The following SHC2 variants were observed in gnomAD, a reference collection of about 807,000 sequenced individuals.
The protein encoded by SHC2 is SHC-transforming protein 2.
Under a neutral mutation model 60.6 loss-of-function variants are expected in SHC2, and 62 were observed. That is an observed-to-expected ratio of 1.02 (90% confidence interval 0.83 to 1.26). The LOEUF (loss-of-function observed/expected upper bound fraction) is 1.26, where lower values mean the gene tolerates loss of function less well. SHC2 is among the 50% of genes most tolerant of loss of function. SHC2 has a pLI of 0.00. For synonymous variants in SHC2, 375 were observed against 372.4 expected, an observed-to-expected ratio of 1.01 and a Z score of -0.08; for missense variants, 873 against 822.2, an observed-to-expected ratio of 1.06 and a Z score of -0.76.
intron 1 of SHC2, among the ~76,000 whole-genome samples, chr19:454,194 A>G (rs1317451094): frequency 6.6e-6 from 1 of 152,200 alleles, no homozygotes; most frequent in African/African-American, 2.4e-5. Flanking sequence ...AGCACAGGCC[A>G]CACCTCGAGG....
rs1975533268 is a variant in SHC2 at position 460,820 on chromosome 19, GC to G, written c.176del (p.Gly59AlafsTer120). On this transcript the variant is annotated frameshift_variant, in exon 1 of 13. Coordinates refer to ENST00000264554, the MANE Select transcript of SHC2 (RefSeq NM_012435.3). LOFTEE classifies it high-confidence loss of function. ...AAARAAGASG[G>X]ADPQPEPAGP... is the part of the protein sequence containing the mutation. ...CCGCCGGCTCGGGTTGGGGGTCCGC[GC>G]CCCCCGAGGCCCCAGCCGCCCGCGC... is the stretch of plus-strand genomic sequence containing the variant. 2.0e-6 allele frequency: 2 copies of G among 980,158 alleles called. No homozygotes were observed. Among genetic ancestry groups the G allele is most frequent in the African/African-American group, 1.8e-5 (1 of 56,218 alleles). 60.7% of individuals were successfully genotyped at this position (980,158 alleles called of 1,614,324 possible). A position where few individuals can be genotyped will look rare whatever the true frequency, so the allele number is the denominator to read the frequency against.
intron 11 of SHC2, among the ~76,000 whole-genome samples, chr19:420,192 T>A (rs142385475): frequency 2.2e-3 from 335 of 152,282 alleles, no homozygotes; most frequent in Middle Eastern, 0.01. Context: ...CACACCAGGC[T>A]AGAGGCTAGG....
In SHC2 at chr19:424,629, G is replaced by A. The variant is rs1229738908; in HGVS notation, c.1309+468C>T. Among the ~76,000 whole-genome samples, 1 of 152,152 alleles carries A rather than the reference G, an allele frequency of 6.6e-6. No individual in the cohort carries two copies. Among genetic ancestry groups the A allele is most frequent in the Admixed American group, 6.5e-5 (1 of 15,276 alleles). ...CGGGGCCGCAGCCTCCCACCACACTGACCATTCTTTCAAGGAATGACGAAC... is the reference window on the plus strand; with the variant it reads ...CGGGGCCGCAGCCTCCCACCACACTAACCATTCTTTCAAGGAATGACGAAC... On this transcript the variant is annotated intron_variant, in intron 10 of 12. Transcript: ENST00000264554. The surrounding 1 kb of genome is among the most constrained non-coding windows in gnomAD (Gnocchi z 4.5).
Position 436,366 on chromosome 19 carries a change from C to G in SHC2, c.826+14G>C, listed in dbSNP as rs1974719463. 1.3e-6 allele frequency: 2 copies of G among 1,595,974 alleles called. No homozygotes were observed. The highest frequency in any genetic ancestry group is 1.7e-6 in the Non-Finnish European group (2 of 1,167,870). On this transcript the variant is annotated intron_variant, in intron 6 of 12. Transcript: ENST00000264554. ...CAGCCACAGGACCCCCACCGGCCTCCCCGGGGGCCTCACCTCTCTGGTTGA... is the reference window on the plus strand; with the variant it reads ...CAGCCACAGGACCCCCACCGGCCTCGCCGGGGGCCTCACCTCTCTGGTTGA...
Position 424,558 on chromosome 19 carries a change from T to TG in SHC2, c.1309+538dup, listed in dbSNP as rs1339407828. ...TCCCCTCTCAGACTAAGGAGTCCCA[T>TG]GGGGCGAGGGTCTGGCTTCCCCTGT... On this transcript the variant is annotated intron_variant, in intron 10 of 12. Coordinates refer to ENST00000264554, the MANE Select transcript of SHC2 (RefSeq NM_012435.3). The surrounding 1 kb of genome is among the most constrained non-coding windows in gnomAD (Gnocchi z 4.5). Among the ~76,000 whole-genome samples the TG allele has an allele frequency of 6.6e-6, 1 of 151,936 alleles. No homozygotes were observed. Among genetic ancestry groups the TG allele is most frequent in the East Asian group, 1.9e-4 (1 of 5,174 alleles).
chr19:457,259 A>T (rs1975368546), intron 1 of SHC2, among the ~76,000 whole-genome samples: 6 of 131,204 alleles, frequency 4.6e-5, no homozygotes, highest in Non-Finnish European at 7.8e-5. Flanking sequence ...CCCGACTAGA[A>T]CTCTGTCTGC....
intron 9 of SHC2, 36 bp downstream of exon 9, chr19:430,648 C>T: frequency 2.5e-6 from 4 of 1,593,846 alleles, no homozygotes; most frequent in South Asian, 1.1e-5. Context: ...CCCCAGAATC[C>T]TCGTGGGTAC....
At chr19:435,969 G>A (rs753432114) in intron 7 of SHC2, 196 bp downstream of exon 7, 3 of 583,604 alleles carry the variant, frequency 5.1e-6, no homozygotes, top group Non-Finnish European at 9.0e-6. Context: ...ATCCTGGGGG[G>A]CAGGCGGGGA....
rs1480178219 is a variant in SHC2 at position 418,722 on chromosome 19, GGT to G, written c.*5+199_*5+200del. 2.1e-5 allele frequency among the ~76,000 whole-genome samples: 3 copies of G among 140,048 alleles called. No homozygotes were observed. In the East Asian group the frequency reaches 5.8e-4, roughly 27 times the overall value. 91.9% of individuals were successfully genotyped at this position (140,048 alleles called of 152,430 possible). A position where few individuals can be genotyped will look rare whatever the true frequency, so the allele number is the denominator to read the frequency against. On this transcript the variant is annotated intron_variant, in intron 12 of 12. Transcript: ENST00000264554. ...GGGGAGGGGACAGGGAGTGACGGCT[GGT>G]GGGGACAGGGCTTCTTTCGGGGCTG... is the stretch of plus-strand genomic sequence containing the variant.
intron 1 of SHC2, among the ~76,000 whole-genome samples, chr19:452,252 G>A (rs187495630): frequency 3.5e-3 from 415 of 118,518 alleles, no homozygotes; most frequent in African/African-American, 0.015. Context: ...GAGTTCCTGC[G>A]TAGGTGTGCG....
chr19:417,868 G>C (rs931366796), intron 12 of SHC2, among the ~76,000 whole-genome samples: 2 of 152,152 alleles, frequency 1.3e-5, no homozygotes, highest in African/African-American at 2.4e-5. Context: ...CCGCCCAGGA[G>C]AGAGGAGGCT....
rs757364077 is a variant in SHC2, at chr19:445,865, C to T, written c.469-4933G>A. 1.3e-5 allele frequency among the ~76,000 whole-genome samples: 2 copies of T among 151,940 alleles called. No homozygotes were observed. Among genetic ancestry groups the T allele is most frequent in the Non-Finnish European group, 2.9e-5 (2 of 68,006 alleles). On this transcript the variant is annotated intron_variant, in intron 1 of 12. Coordinates refer to ENST00000264554, the MANE Select transcript of SHC2 (RefSeq NM_012435.3). The surrounding 1 kb of genome is among the most constrained non-coding windows in gnomAD (Gnocchi z 4.4). ...CCTGGCCAACATGGAGAAACCCCAACTCTACTGAAAATACAAAAATAAAAA... is the reference window on the plus strand; with the variant it reads ...CCTGGCCAACATGGAGAAACCCCAATTCTACTGAAAATACAAAAATAAAAA...
rs1807451684 is a variant in SHC2 at position 441,717 on chromosome 19, T to G, written c.469-785A>C. ...GGTTTCCTACTGGGGTCATGAGAAA[T>G]TCTGGAATTAGACAGAAGGGGTGGT... On this transcript the variant is annotated intron_variant, in intron 1 of 12. Transcript: ENST00000264554. The surrounding 1 kb of genome is among the most constrained non-coding windows in gnomAD (Gnocchi z 4.9). 6.6e-6 allele frequency among the ~76,000 whole-genome samples: 1 copy of G among 152,196 alleles called. No homozygotes were observed. The highest frequency in any genetic ancestry group is 2.4e-5 in the African/African-American group (1 of 41,440).
chr19:427,104 G>T (rs2145699469), intron 9 of SHC2, among the ~76,000 whole-genome samples: 1 of 152,350 alleles, frequency 6.6e-6, no homozygotes, highest in East Asian at 1.9e-4. Context: ...TGGGCACCGG[G>T]TGGGCACTCG....
chr19:453,341 C>T lies in SHC2; in HGVS notation c.468+7188G>A, dbSNP rs949883186. ...CTGGAGGGCAGTGGCATGATCTTGG[C>T]TCACTGCGGCCTCGAATTCTCAGGC... On this transcript the variant is annotated intron_variant, in intron 1 of 12. Coordinates refer to ENST00000264554, the MANE Select transcript of SHC2 (RefSeq NM_012435.3). The surrounding 1 kb of genome is among the most constrained non-coding windows in gnomAD (Gnocchi z 6.3). 1.3e-5 allele frequency: 2 copies of T among 152,232 alleles called. No homozygotes were observed. The highest frequency in any genetic ancestry group is 4.8e-5 in the African/African-American group (2 of 41,452). 9.4% of individuals were successfully genotyped at this position (152,232 alleles called of 1,614,324 possible).
In SHC2 at chr19:446,586, T is replaced by A. The variant is rs1409952916; in HGVS notation, c.469-5654A>T. Among the ~76,000 whole-genome samples the A allele has an allele frequency of 6.6e-6, 1 of 152,088 alleles. No individual in the cohort carries two copies. The highest frequency in any genetic ancestry group is 1.5e-5 in the Non-Finnish European group (1 of 68,018). On this transcript the variant is annotated intron_variant, in intron 1 of 12. Transcript: ENST00000264554. This position sits in a 1 kb window ranked among gnomAD's most constrained non-coding sequence, Gnocchi z 5.4. ...TCCCAAAGTGCTGGGACTACAGGCG[T>A]GAGTCACCGCGCCCGGCTGTCTGTG...
intron 5 of SHC2, 38 bp downstream of exon 5, chr19:436,592 C>G (rs775497620): frequency 6.3e-7 from 1 of 1,593,036 alleles, no homozygotes; most frequent in East Asian, 2.3e-5. Context: ...CGGAGGGGGG[C>G]GGCAGGGCTG....
chr19:438,846 G>C lies in SHC2; in HGVS notation c.601-9C>G, dbSNP rs1424699809. The C allele has an allele frequency of 6.4e-7, 1 of 1,563,002 alleles. No homozygotes were observed. The highest frequency in any genetic ancestry group is 8.7e-7 in the Non-Finnish European group (1 of 1,154,814). On this transcript the variant is annotated splice_polypyrimidine_tract_variant and intron_variant, in intron 3 of 12. Coordinates refer to ENST00000264554, the MANE Select transcript of SHC2 (RefSeq NM_012435.3). The surrounding 1 kb of genome is among the most constrained non-coding windows in gnomAD (Gnocchi z 5.0). ...AGGGCCTTGTTGGGGGCCTGAGTTG[G>C]GGGCGGAGCACAGCGAGGGCGGCTG... is the stretch of plus-strand genomic sequence containing the variant.
At chr19:437,512 C>T (rs1974754310) in intron 4 of SHC2, among the ~76,000 whole-genome samples, 2 of 152,080 alleles carry the variant, frequency 1.3e-5, no homozygotes, top group South Asian at 2.1e-4. Context: ...ACTTCTCAGC[C>T]CCCATAGGGA....
Sources: allele counts gnomAD v4.1 joint callset (sites outside exome capture counted in the v4.1 genomes callset), GRCh38; gene constraint gnomAD v4.1.1; non-coding constraint Gnocchi (gnomAD v3.1); transcripts MANE v1.5; gene names NCBI Gene and HGNC (gene_info 2026-07-23, HGNC 2026-07-21).